Variants in ARSD observed in about 807,000 individuals in gnomAD.
ARSD encodes arylsulfatase D, also known as testis tissue sperm-binding protein Li 39a.
A neutral mutation model predicts 32.6 loss-of-function variants in ARSD; 21 were observed. The ratio of observed to expected loss-of-function variants is 0.64; its 90% CI spans 0.46 to 0.93. The LOEUF is 0.93. ARSD is among the 40% of genes least tolerant of loss of function. The pLI is 0.00. For missense variants in ARSD, 454 were observed against 520.9 expected (o/e 0.87, Z 1.25); for synonymous variants, 224 against 237.4 (o/e 0.94, Z 0.52).
chrX:2,924,711 T>C (rs2089065181), intron 2 of ARSD, among the ~76,000 whole-genome samples: 1 of 112,159 alleles, frequency 8.9e-6, no homozygotes, highest in Non-Finnish European at 1.9e-5. Context: ...TTATTAGGTA[T>C]CCCGAGATGA....
At chrX:2,908,036 A>G (rs1454328414) in intron 9 of ARSD, 11 of 629,540 alleles carry the variant, frequency 1.7e-5, no homozygotes, top group African/African-American at 9.6e-5. Flanking sequence ...GTACTTATCT[A>G]TCTATCGCTA....
intron 4 of ARSD, chrX:2,920,388 TGAGACA>T: frequency 2.4e-6 from 1 of 413,214 alleles, no homozygotes. Context: ...TTTTATTCTT[TGAGACA>T]GAGTCTCGCT....
At chrX:2,909,515 C>G (rs766282838) in intron 8 of ARSD, among the ~76,000 whole-genome samples, 1 of 109,587 alleles carries the variant, frequency 9.1e-6, no homozygotes, top group African/African-American at 3.3e-5. Flanking sequence ...ATAACAGACC[C>G]CAAGACACAT....
Position 2,905,301 on chromosome X carries a change from G to A in ARSD, c.*1970C>T, listed in dbSNP as rs1008124222. 2.3e-5 allele frequency: 5 copies of A among 217,797 alleles called. No homozygotes were observed. Among genetic ancestry groups the A allele is most frequent in the African/African-American group, 1.2e-4 (4 of 33,266 alleles). 17.9% of individuals were successfully genotyped at this position (217,797 alleles called of 1,213,427 possible). ...TTTCTTAGATGTCATTTAGGCTCTC[G>A]TTTCAATTCCCAGTATGCTTCCTGC... On this transcript the variant is annotated 3_prime_UTR_variant, in exon 10 of 10. Coordinates refer to ENST00000381154, the MANE Select transcript of ARSD (RefSeq NM_001669.4).
chrX:2,911,487 C>A (rs1309460616), intron 6 of ARSD, among the ~76,000 whole-genome samples: 1 of 106,641 alleles, frequency 9.4e-6, no homozygotes, highest in African/African-American at 3.4e-5. Context: ...TGGCTAACAC[C>A]GTGAAGCCCC....
At chrX:2,922,664 G>A (rs949782754) in intron 2 of ARSD, among the ~76,000 whole-genome samples, 4 of 107,359 alleles carry the variant, frequency 3.7e-5, no homozygotes, top group South Asian at 4.1e-4. Context: ...GTAAAACCCC[G>A]TCTCTACTAA....
At position 2,908,763 on chromosome X, in the gene ARSD, A is replaced by G. The variant is rs1157473668; in HGVS notation, c.1378T>C (p.Cys460Arg). Residue 460 changes from cysteine to arginine, a missense_variant, in exon 9 of 10, where the codon TGT becomes CGT. Cys to Arg is a radical substitution (Grantham distance 180). Around this residue, in one of 3 missense-constraint regions of ARSD, gnomAD observed 179 missense variants for 198.5 expected, o/e 0.90. Transcript: ENST00000381154. Reference sequence around the variant, plus strand: ...CGTGCTGCGTGAAGATGCTGCCCACAGTAATGAAACAGGAACTCATGTGCC... The same window carrying G: ...CGTGCTGCGTGAAGATGCTGCCCACGGTAATGAAACAGGAACTCATGTGCC... ...RSAHEFLFHY[C>R]GQHLHAARWH... 8.3e-7 allele frequency: 1 copy of G among 1,208,437 alleles called. No individual in the cohort carries two copies. The highest frequency in any genetic ancestry group is 1.7e-5 in the African/African-American group (1 of 57,681).
rs2302077 is a variant in ARSD at position 2,925,777 on chromosome X, A to G, written c.45-12T>C. The G allele has an allele frequency of 0.055, 66,496 of 1,205,603 alleles. 5,577 individuals carry two copies. The East Asian group carries it at 0.57, about 10-fold the overall frequency. The stretch of plus-strand genomic sequence containing the variant: ...CCGGCAAAGAGTCCCTGGAGAGAAA[A>G]GCGAAACACAGAAATGACTATCTAC... On this transcript the variant is annotated splice_polypyrimidine_tract_variant and intron_variant, in intron 1 of 9. Transcript: ENST00000381154.
chrX:2,922,213 ATCTCTC>A (rs776777408), intron 2 of ARSD, among the ~76,000 whole-genome samples, 189 bp from the exon 3 acceptor site: 7 of 105,781 alleles, frequency 6.6e-5, no homozygotes, highest in Non-Finnish European at 1.2e-4. Context: ...GATGGATGAC[ATCTCTC>A]TCTCTCTCTC....
At position 2,907,439 on chromosome X, in the gene ARSD, G is replaced by A. The variant is rs754724618; in HGVS notation, c.1614C>T (p.His538=). The A allele has an allele frequency of 2.5e-6, 3 of 1,211,696 alleles. No homozygotes were observed. Among genetic ancestry groups the A allele is most frequent in the Admixed American group, 4.3e-5 (2 of 46,077 alleles). Residue 538 remains histidine (H), a synonymous_variant, in exon 10 of 10, where the codon CAC becomes CAT. Transcript: ENST00000381154. ...CGGCACCTACCCTTGCTATCACGGC[G>A]TGGTACAGGGGCTCGGAGTCGGGGG... ...PLTPDSEPLY[H]AVIARVGAAV...
chrX:2,929,216 C>T lies in ARSD; in HGVS notation c.44+16G>A. 9.6e-7 allele frequency: 1 copy of T among 1,043,360 alleles called. No individual in the cohort carries two copies. Among genetic ancestry groups the T allele is most frequent in the South Asian group, 2.7e-5 (1 of 36,791 alleles). 86.0% of individuals were successfully genotyped at this position (1,043,360 alleles called of 1,213,427 possible). The stretch of plus-strand genomic sequence containing the variant: ...CCTAGGCCTTAGTATGGGCCGCGTC[C>T]CGGGGTCCCAGGCACCTGGCGGCGG... On this transcript the variant is annotated intron_variant, in intron 1 of 9. Coordinates refer to ENST00000381154, the MANE Select transcript of ARSD (RefSeq NM_001669.4).
intron 5 of ARSD, among the ~76,000 whole-genome samples, chrX:2,917,251 A>G (rs1465350596): frequency 3.7e-5 from 4 of 109,549 alleles, no homozygotes; most frequent in Non-Finnish European, 5.7e-5. Flanking sequence ...AGTTTAAAAA[A>G]CTGTCAATAA....
Position 2,914,357 on chromosome X carries a change from G to A in ARSD, c.1000+1199C>T, listed in dbSNP as rs138737567. 1.6e-3 allele frequency: 756 copies of A among 472,729 alleles called. 11 individuals are homozygous for A. In the African/African-American group the frequency reaches 0.018, roughly 11 times the overall value. 39.0% of individuals were successfully genotyped at this position (472,729 alleles called of 1,213,427 possible). A position where few individuals can be genotyped will look rare whatever the true frequency, so the allele number is the denominator to read the frequency against. On this transcript the variant is annotated intron_variant, in intron 6 of 9. Transcript: ENST00000381154. ...AAATGATCTTCCCACCTCAGCCTCT[G>A]GAGTAGCTGGGACCACAGGTGCACA...
Position 2,925,839 on chromosome X carries a change from G to A in ARSD, c.45-74C>T, listed in dbSNP as rs773189145. On this transcript the variant is annotated intron_variant, in intron 1 of 9. Coordinates refer to ENST00000381154, the MANE Select transcript of ARSD (RefSeq NM_001669.4). ...GGAAGTAGGCATTTCAAGGCAGCTC[G>A]CTGGGAAGGCGAAGGTCTTACCACT... 8.7e-6 allele frequency: 9 copies of A among 1,038,478 alleles called. No homozygotes were observed. The East Asian group carries it at 1.3e-4, about 15-fold the overall frequency. The allele number at this position is 1,038,478 out of a possible 1,213,427, so 85.6% of individuals were successfully genotyped here.
intron 4 of ARSD, among the ~76,000 whole-genome samples, chrX:2,919,287 G>A (rs2089007204): frequency 9.5e-6 from 1 of 105,350 alleles, no homozygotes; most frequent in African/African-American, 3.5e-5. Flanking sequence ...CAGTGGCTTT[G>A]AGTGTGAGAA....
At chrX:2,929,150 C>T (rs1239444939) in intron 1 of ARSD, 82 bp downstream of exon 1, 1 of 896,492 alleles carries the variant, frequency 1.1e-6, no homozygotes, top group Non-Finnish European at 1.4e-6. Flanking sequence ...TCGCCCGGGG[C>T]GCCCCTCGCC....
rs1299612441 is a variant in ARSD at position 2,913,575 on chromosome X, A to G, written c.1000+1981T>C. 27 of 994,920 alleles carry G rather than the reference A, an allele frequency of 2.7e-5. No individual in the cohort carries two copies. The African/African-American group carries it at 4.2e-4, about 15-fold the overall frequency. 82.0% of individuals were successfully genotyped at this position (994,920 alleles called of 1,213,427 possible). A position where few individuals can be genotyped will look rare whatever the true frequency, so the allele number is the denominator to read the frequency against. On this transcript the variant is annotated intron_variant, in intron 6 of 9. Transcript: ENST00000381154. ...GTTCAGATTCTGCAAGGATTTTAAT[A>G]TCTACACTCTCTTAAGAATCTGCAG...
chrX:2,909,501 A>C (rs1231348265), intron 8 of ARSD, among the ~76,000 whole-genome samples: 2 of 110,173 alleles, frequency 1.8e-5, no homozygotes, highest in Non-Finnish European at 3.8e-5. Flanking sequence ...CTTACTTTTT[A>C]ATCATAACAG....
In ARSD at chrX:2,907,464, G is replaced by A. The variant is rs761011809; in HGVS notation, c.1589C>T (p.Thr530Ile). 1 of 1,209,705 alleles carries A rather than the reference G, an allele frequency of 8.3e-7. No homozygotes were observed. Among genetic ancestry groups the A allele is most frequent in the South Asian group, 1.8e-5 (1 of 56,440 alleles). ...GTGGTACAGGGGCTCGGAGTCGGGG[G>A]TCAGGGGCCGTGCCTCGGAGGGGTC... ...SRDPSEARPLTPDSEPLYHAV... is the reference protein window; with the variant it reads ...SRDPSEARPLIPDSEPLYHAV... The change falls in exon 10 of 10, where the codon ACC becomes ATC. Residue 530 changes from threonine to isoleucine, a missense_variant. Thr to Ile is a moderately conservative substitution (Grantham distance 89). Around this residue, in one of 3 missense-constraint regions of ARSD, gnomAD observed 179 missense variants for 198.5 expected, o/e 0.90. Coordinates refer to ENST00000381154, the MANE Select transcript of ARSD (RefSeq NM_001669.4).
Sources: allele counts gnomAD v4.1 joint callset (sites outside exome capture counted in the v4.1 genomes callset), GRCh38; gene constraint gnomAD v4.1.1; regional missense constraint gnomAD v4.1.1; transcripts MANE v1.5; gene names NCBI Gene and HGNC (gene_info 2026-07-23, HGNC 2026-07-21).